GRIN3A: variants seen among roughly 807,000 people sequenced by gnomAD.
The protein encoded by GRIN3A is glutamate receptor ionotropic, NMDA 3A.
In GRIN3A, 47 loss-of-function variants were observed where a neutral mutation model predicts 92.4. The observed-to-expected ratio is 0.51, with a 90% CI of 0.40 to 0.65. The LOEUF (loss-of-function observed/expected upper bound fraction) is 0.65, where lower values mean the gene tolerates loss of function less well. GRIN3A is among the 30% of genes least tolerant of loss of function. The probability of loss-of-function intolerance (pLI) is 0.00; values close to 1 mark genes in which losing one functional copy is unlikely to be tolerated. For synonymous variants in GRIN3A, 527 were observed against 540.6 expected (o/e 0.97, Z 0.35); for missense variants, 1,324 against 1,393.1 (o/e 0.95, Z 0.79).
At position 101,682,625 on chromosome 9, in the gene GRIN3A, G is replaced by A. The variant is rs552315982; in HGVS notation, c.1304+3971C>T. On this transcript the variant is annotated intron_variant, in intron 2 of 8. Transcript: ENST00000361820. ...TAGGCAAAAACATCCATTCAAATGC[G>A]CTTATAAAGGTATTCTCAAAATAAT... Among the ~76,000 whole-genome samples, 14 of 152,276 alleles carry A rather than the reference G, an allele frequency of 9.2e-5. No homozygotes were observed. The East Asian group carries it at 1.5e-3, about 17-fold the overall frequency.
intron 1 of GRIN3A, among the ~76,000 whole-genome samples, chr9:101,710,145 C>A (rs1452968188): frequency 3.3e-5 from 5 of 152,032 alleles, no homozygotes; most frequent in African/African-American, 4.8e-5. Context: ...TCTTTAAGAA[C>A]AGGAGAGGTA....
chr9:101,711,377 A>G (rs925812573), intron 1 of GRIN3A, among the ~76,000 whole-genome samples: 2 of 152,196 alleles, frequency 1.3e-5, no homozygotes, highest in Admixed American at 6.5e-5. Flanking sequence ...AGATTTCATC[A>G]TGATACTCAG....
intron 6 of GRIN3A, among the ~76,000 whole-genome samples, chr9:101,599,183 G>A (rs955461120): frequency 2.0e-5 from 3 of 152,184 alleles, no homozygotes; most frequent in Non-Finnish European, 4.4e-5. Context: ...TTCATCTACC[G>A]ATGTGTTATT....
Position 101,577,753 on chromosome 9 carries a change from T to C in GRIN3A, c.3008+15A>G, listed in dbSNP as rs77656147. 2.6e-4 allele frequency: 409 copies of C among 1,580,494 alleles called. 9 individuals carry two copies. The East Asian group carries it at 4.7e-3, about 18-fold the overall frequency. ...TTTACAAATATAAAGACAGTTGCCA[T>C]TGGCCCCTTCTTACCTCTTTTCCAC... On this transcript the variant is annotated intron_variant, in intron 8 of 8. Coordinates refer to ENST00000361820, the MANE Select transcript of GRIN3A (RefSeq NM_133445.3).
intron 1 of GRIN3A, among the ~76,000 whole-genome samples, chr9:101,718,359 G>A (rs375165917): frequency 3.3e-5 from 5 of 152,262 alleles, no homozygotes; most frequent in African/African-American, 7.2e-5. Flanking sequence ...AGCAAAGGAT[G>A]AAGATTGAAT....
At chr9:101,604,169 A>G (rs58830774) in intron 6 of GRIN3A, among the ~76,000 whole-genome samples, 25,545 of 152,142 alleles carry the variant, frequency 0.17, 2,353 homozygotes, top group Non-Finnish European at 0.21. Context: ...AAGAAAAGGA[A>G]GGAAGGGAAG....
At chr9:101,594,202 C>G in intron 6 of GRIN3A, 1 of 558,990 alleles carries the variant, frequency 1.8e-6, no homozygotes, top group Non-Finnish European at 3.0e-6. Context: ...ATTTGACTTG[C>G]TCTTCCCCCT....
rs930940499 is a variant in GRIN3A at position 101,569,776 on chromosome 9, A to T, written c.*3398T>A. ...TTCTGTTTTTCCTATCAAAAATATG[A>T]GTTGGGAGAAAAAGAGGCTCTAAAG... On this transcript the variant is annotated 3_prime_UTR_variant, in exon 9 of 9. Coordinates refer to ENST00000361820, the MANE Select transcript of GRIN3A (RefSeq NM_133445.3). 3 of 152,216 alleles carry T rather than the reference A, an allele frequency of 2.0e-5. No homozygotes were observed. Among genetic ancestry groups the T allele is most frequent in the African/African-American group, 7.2e-5 (3 of 41,458 alleles). The allele number at this position is 152,216 out of a possible 1,614,324, so 9.4% of individuals were successfully genotyped here.
rs568059788 is a variant in GRIN3A at position 101,662,387 on chromosome 9, A to G, written c.2352+7673T>C. Among the ~76,000 whole-genome samples the G allele has an allele frequency of 4.0e-5, 6 of 151,896 alleles. No homozygotes were observed. The South Asian group carries it at 8.3e-4, about 21-fold the overall frequency. ...ATTTTGTGCCCCTTAGGTGTCAGACACTATGCAAGGTGCTTTACTTGAATT... is the reference window on the plus strand; with the variant it reads ...ATTTTGTGCCCCTTAGGTGTCAGACGCTATGCAAGGTGCTTTACTTGAATT... On this transcript the variant is annotated intron_variant, in intron 3 of 8. Coordinates refer to ENST00000361820, the MANE Select transcript of GRIN3A (RefSeq NM_133445.3).
chr9:101,671,861 A>G (rs920877996), intron 2 of GRIN3A, among the ~76,000 whole-genome samples: 1 of 152,156 alleles, frequency 6.6e-6, no homozygotes, highest in African/African-American at 2.4e-5. Context: ...GCCAGAAGCC[A>G]CAGAAAGGAA....
At chr9:101,724,590 G>A (rs1588299039) in intron 1 of GRIN3A, among the ~76,000 whole-genome samples, 1 of 152,364 alleles carries the variant, frequency 6.6e-6, no homozygotes, top group African/African-American at 2.4e-5. Flanking sequence ...CTCCACAAGT[G>A]CCGCCAAAGT....
chr9:101,601,064 T>C (rs1828204239), intron 6 of GRIN3A: 1 of 152,220 alleles, frequency 6.6e-6, no homozygotes, highest in African/African-American at 2.4e-5. Flanking sequence ...AAATTACTTC[T>C]TGCTGGGAAC....
intron 6 of GRIN3A, among the ~76,000 whole-genome samples, chr9:101,582,279 A>C (rs1474532483): frequency 6.6e-6 from 1 of 152,128 alleles, no homozygotes. Flanking sequence ...GTTGGAGCCT[A>C]GCTCAGGAAA....
intron 1 of GRIN3A, among the ~76,000 whole-genome samples, chr9:101,711,437 G>A (rs1228627799): frequency 6.6e-6 from 1 of 152,162 alleles, no homozygotes; most frequent in East Asian, 1.9e-4. Context: ...GGTTGACTAT[G>A]GGTAACTGAA....
chr9:101,711,986 C>T (rs1297820617), intron 1 of GRIN3A, among the ~76,000 whole-genome samples: 1 of 152,186 alleles, frequency 6.6e-6, no homozygotes, highest in African/African-American at 2.4e-5. Flanking sequence ...GATTCCATCA[C>T]CAGCTGAGCA....
intron 2 of GRIN3A, among the ~76,000 whole-genome samples, chr9:101,679,429 A>G (rs894005629): frequency 2.6e-5 from 4 of 152,134 alleles, no homozygotes; most frequent in African/African-American, 9.7e-5. Context: ...GTCTTGAGGG[A>G]ATATACATTT....
At chr9:101,632,862 A>G (rs538190570) in intron 3 of GRIN3A, among the ~76,000 whole-genome samples, 1 of 152,198 alleles carries the variant, frequency 6.6e-6, no homozygotes, top group Non-Finnish European at 1.5e-5. Context: ...TTTGAGCTGC[A>G]TTACAACCAT....
At chr9:101,672,758 A>T (rs1829345777) in intron 2 of GRIN3A, among the ~76,000 whole-genome samples, 1 of 152,142 alleles carries the variant, frequency 6.6e-6, no homozygotes, top group East Asian at 1.9e-4. Context: ...ATTTTGGAAG[A>T]TTGTTTGTAA....
At chr9:101,687,256 CA>C in intron 1 of GRIN3A, 56 bp from the exon 2 acceptor site, 1 of 1,578,362 alleles carries the variant, frequency 6.3e-7, no homozygotes, top group Non-Finnish European at 8.7e-7. Flanking sequence ...AAGACTTTAA[CA>C]TAGGGTACTT....
Sources: allele counts gnomAD v4.1 joint callset (sites outside exome capture counted in the v4.1 genomes callset), GRCh38; gene constraint gnomAD v4.1.1; transcripts MANE v1.5; gene names NCBI Gene and HGNC (gene_info 2026-07-23, HGNC 2026-07-21).